OVCH1: variants seen among roughly 807,000 people sequenced by gnomAD.
OVCH1 encodes the protein ovochymase 1, also known as ovochymase-1.
A neutral mutation model predicts 138.4 loss-of-function variants in OVCH1; 139 were observed. That is an observed-to-expected ratio of 1.00 (90% CI 0.87 to 1.16). The LOEUF is 1.16. OVCH1 is among the 50% of genes most tolerant of loss of function. The pLI, the probability that OVCH1 is intolerant of heterozygous loss-of-function variation, is 0.00. For missense variants in OVCH1, 1,367 were observed against 1,357.9 expected (o/e 1.01, Z -0.11); for synonymous variants, 453 against 467.8 (o/e 0.97, Z 0.41).
chr12:29,427,403 T>C (rs750155181), downstream of OVCH1, among the ~76,000 whole-genome samples: 1 of 152,194 alleles, frequency 6.6e-6, no homozygotes, highest in Non-Finnish European at 1.5e-5. Context: ...CATCAGGCCA[T>C]GATCAATCCC....
the OVCH1 span, among the ~76,000 whole-genome samples, chr12:29,405,021 CAAAAAA>C: frequency 5.3e-4 from 43 of 80,414 alleles, no homozygotes; most frequent in African/African-American, 2.9e-3. Context: ...CACTCCACCT[CAAAAAA>C]AAAAAAAAAA....
downstream of OVCH1, among the ~76,000 whole-genome samples, chr12:29,422,573 T>C (rs1013052976): frequency 6.6e-6 from 1 of 152,238 alleles, no homozygotes; most frequent in Non-Finnish European, 1.5e-5. Flanking sequence ...AATATGTTCA[T>C]TCATTTGCAA....
At chr12:29,430,809 T>TCC in intron 27 of OVCH1, 2 of 471,906 alleles carry the variant, frequency 4.2e-6, no homozygotes, top group Non-Finnish European at 8.5e-6. Context: ...ATTAACACCC[T>TCC]CCCTTGAGTT....
At chr12:29,477,113 GCTT>G in exon 12 of OVCH1, 1 of 1,608,438 alleles carries the variant, frequency 6.2e-7, no homozygotes, top group Non-Finnish European at 8.5e-7. Flanking sequence ...TTTATAATGT[GCTT>G]CTCTGGAGCA....
chr12:29,434,713 C>T (rs574038133), intron 26 of OVCH1, among the ~76,000 whole-genome samples: 1 of 109,956 alleles, frequency 9.1e-6, no homozygotes, highest in African/African-American at 3.3e-5. Context: ...TTGTCCCCAA[C>T]AACAAAAAAA....
At chr12:29,425,002 T>C (rs1941159533), downstream of OVCH1, among the ~76,000 whole-genome samples, 1 of 152,134 alleles carries the variant, frequency 6.6e-6, no homozygotes, top group Admixed American at 6.6e-5. Context: ...TAACCTAATT[T>C]CATTTTTTAA....
At chr12:29,413,451 T>C (rs1007617567) in intron 3 of OVCH1, among the ~76,000 whole-genome samples, 1 of 152,214 alleles carries the variant, frequency 6.6e-6, no homozygotes, top group Admixed American at 6.5e-5. Context: ...GACTTCATCA[T>C]GTGAGGAATG....
chr12:29,447,691 A>C (rs1399255131), intron 22 of OVCH1, among the ~76,000 whole-genome samples: 1 of 152,154 alleles, frequency 6.6e-6, no homozygotes, highest in African/African-American at 2.4e-5. Flanking sequence ...GAAGGAATGG[A>C]TGATGCTGCT....
chr12:29,426,448 A>G (rs1048022935), downstream of OVCH1, among the ~76,000 whole-genome samples: 3 of 152,196 alleles, frequency 2.0e-5, no homozygotes, highest in African/African-American at 7.2e-5. Context: ...GAGAAACTGA[A>G]AAGTCCCAAA....
At chr12:29,430,080 G>T (rs1332458496) in intron 27 of OVCH1, among the ~76,000 whole-genome samples, 5 of 152,200 alleles carry the variant, frequency 3.3e-5, no homozygotes, top group African/African-American at 1.2e-4. Flanking sequence ...TCTTATTTAG[G>T]TTTCACAATC....
chr12:29,467,322 T>G (rs1236173757), intron 16 of OVCH1, among the ~76,000 whole-genome samples: 1 of 152,190 alleles, frequency 6.6e-6, no homozygotes, highest in Non-Finnish European at 1.5e-5. Context: ...TTTCTCATGA[T>G]GTTTTACATG....
At chr12:29,497,269 C>CAAACA (rs61697247) in intron 1 of OVCH1, among the ~76,000 whole-genome samples, 3 of 151,750 alleles carry the variant, frequency 2.0e-5, no homozygotes, top group African/African-American at 7.3e-5. Context: ...CTCAAACAAA[C>CAAACA]AAACAAAACA....
chr12:29,495,417 T>C, exon 4 of OVCH1: 1 of 1,613,516 alleles, frequency 6.2e-7, no homozygotes, highest in Non-Finnish European at 8.5e-7. Flanking sequence ...TGAAAGAGGC[T>C]GTACTCCCCA....
intron 27 of OVCH1, among the ~76,000 whole-genome samples, chr12:29,429,132 A>C (rs1410240652): frequency 6.6e-6 from 1 of 152,204 alleles, no homozygotes; most frequent in Non-Finnish European, 1.5e-5. Context: ...GAGGTCTAAA[A>C]AGGGCCATCT....
chr12:29,477,965 C>T (rs949260569), intron 9 of OVCH1, among the ~76,000 whole-genome samples: 1 of 152,132 alleles, frequency 6.6e-6, no homozygotes, highest in Non-Finnish European at 1.5e-5. Context: ...AATAGCAGGC[C>T]TGAGCATGAA....
chr12:29,472,359 G>A (rs1942542738), intron 15 of OVCH1, among the ~76,000 whole-genome samples: 1 of 152,158 alleles, frequency 6.6e-6, no homozygotes, highest in Non-Finnish European at 1.5e-5. Context: ...TGTTAGCAGA[G>A]TACATAAGGT....
intron 3 of OVCH1, among the ~76,000 whole-genome samples, chr12:29,417,114 T>C (rs1219736220): frequency 1.3e-5 from 2 of 152,178 alleles, no homozygotes; most frequent in African/African-American, 4.8e-5. Context: ...TTAAATACTC[T>C]TGAAATAACA....
chr12:29,427,550 C>A (rs373122899), downstream of OVCH1: 129 of 1,550,946 alleles, frequency 8.3e-5, no homozygotes, highest in Non-Finnish European at 1.1e-4. Context: ...CATGTGAGGA[C>A]CCAGTGAGAA....
chr12:29,408,985 C>A (rs879168721), downstream of OVCH1, among the ~76,000 whole-genome samples: 1 of 151,954 alleles, frequency 6.6e-6, no homozygotes, highest in South Asian at 2.1e-4. Flanking sequence ...ACAATTTCAG[C>A]TCCTGTTATT....
Sources: allele counts gnomAD v4.1 joint callset (sites outside exome capture counted in the v4.1 genomes callset), GRCh38; gene constraint gnomAD v4.1.1; transcripts MANE v1.5; gene names NCBI Gene and HGNC (gene_info 2026-07-23, HGNC 2026-07-21).